ZNF335: variants seen among roughly 807,000 people sequenced by gnomAD.
ZNF335 encodes the protein NRC-interacting factor 1.
Under a neutral mutation model 145.6 loss-of-function variants are expected in ZNF335, and 84 were observed. The observed-to-expected ratio is 0.58, with a 90% CI of 0.48 to 0.69. The LOEUF (loss-of-function observed/expected upper bound fraction) is 0.69, where lower values mean the gene tolerates loss of function less well. Ranked by LOEUF, ZNF335 falls within the 30% of genes least tolerant of loss-of-function variation. The probability of loss-of-function intolerance (pLI) is 0.00; values close to 1 mark genes in which losing one functional copy is unlikely to be tolerated. For missense variants in ZNF335, 1,865 were observed against 1,809.7 expected (o/e 1.03, Z -0.55); for synonymous variants, 761 against 717.0 (o/e 1.06, Z -0.98).
chr20:45,949,811 A>T lies in ZNF335; in HGVS notation c.3658T>A (p.Ser1220Thr). ...AGCTAGTAGCTCACCTGGTTGTCGGAGGTCACCAGGTGCTGTACGGTCTGG... is the reference window on the plus strand; with the variant it reads ...AGCTAGTAGCTCACCTGGTTGTCGGTGGTCACCAGGTGCTGTACGGTCTGG... The part of the protein sequence containing the change: ...DGQTVQHLVT[S>T]DNQVQYIISQ... The change falls in exon 24 of 28, where the codon TCC becomes ACC. Residue 1220 changes from serine to threonine, a missense_variant. Coordinates refer to ENST00000322927, the MANE Select transcript of ZNF335 (RefSeq NM_022095.4). The T allele has an allele frequency of 6.2e-7, 1 of 1,614,006 alleles. No homozygotes were observed. The highest frequency in any genetic ancestry group is 1.1e-5 in the South Asian group (1 of 91,048).
At position 45,957,637 on chromosome 20, in the gene ZNF335, A is replaced by T; in HGVS notation, c.2391T>A (p.Asp797Glu). The part of the protein sequence containing the change: ...STAMATQTAL[D>E]LLLNMSAQRE... ...GCTGAGCACTCATGTTCAGCAGAAG[A>T]TCCAAGGCTGTCTGCGTGGCCATCG... Residue 797 changes from aspartate (D) to glutamate (E), a missense_variant, in exon 17 of 28, where the codon GAT (aspartate) becomes GAA (glutamate). Coordinates refer to ENST00000322927, the MANE Select transcript of ZNF335 (RefSeq NM_022095.4). 21 of 1,614,176 alleles carry T rather than the reference A, an allele frequency of 1.3e-5. No individual in the cohort carries two copies. Among genetic ancestry groups the T allele is most frequent in the Non-Finnish European group, 1.7e-5 (20 of 1,180,038 alleles).
At chr20:45,970,608 T>C (rs760306120) in intron 2 of ZNF335, among the ~76,000 whole-genome samples, 2 of 152,128 alleles carry the variant, frequency 1.3e-5, no homozygotes, top group Non-Finnish European at 2.9e-5. Flanking sequence ...GTTTACAAAA[T>C]GTTTGCAAGA....
chr20:45,964,068 C>A, intron 7 of ZNF335, 78 bp from the exon 8 acceptor site: 1 of 1,483,596 alleles, frequency 6.7e-7, no homozygotes, highest in Non-Finnish European at 8.9e-7. Context: ...AGAGGCCAGC[C>A]AAAATATCCT....
At position 45,965,072 on chromosome 20, in the gene ZNF335, A is replaced by T. The variant is rs62213351; in HGVS notation, c.1102+556T>A. On this transcript the variant is annotated intron_variant, in intron 7 of 27. Coordinates refer to ENST00000322927, the MANE Select transcript of ZNF335 (RefSeq NM_022095.4). ...ATAATAATAATAATAATAATAATAC[A>T]ACAACTCTCCAACCATAAACAGCTG... is the stretch of plus-strand genomic sequence containing the variant. 6.8e-3 allele frequency among the ~76,000 whole-genome samples: 917 copies of T among 135,674 alleles called. 4 individuals carry two copies. Among genetic ancestry groups the T allele is most frequent in the Non-Finnish European group, 0.011 (685 of 61,136 alleles). 89.0% of individuals were successfully genotyped at this position (135,674 alleles called of 152,430 possible). A position where few individuals can be genotyped will look rare whatever the true frequency, so the allele number is the denominator to read the frequency against.
intron 1 of ZNF335, chr20:45,971,664 G>A (rs2084071273): frequency 4.1e-6 from 4 of 985,484 alleles, no homozygotes; most frequent in Non-Finnish European, 3.6e-6. Context: ...GGCCCTTCCC[G>A]GGAGGGTGGT....
chr20:45,959,618 T>C (rs2145385858), intron 14 of ZNF335, among the ~76,000 whole-genome samples, 185 bp from the exon 15 acceptor site: 1 of 152,292 alleles, frequency 6.6e-6, no homozygotes, highest in South Asian at 2.1e-4. Context: ...AGGGCCGCCC[T>C]CTGCACTCAA....
intron 18 of ZNF335, 46 bp downstream of exon 18, chr20:45,953,643 A>G: frequency 4.4e-6 from 7 of 1,603,962 alleles, no homozygotes; most frequent in Non-Finnish European, 6.0e-6. Flanking sequence ...CCGACCGACC[A>G]CACCTACAAA....
chr20:45,952,403 G>C lies in ZNF335; in HGVS notation c.2933C>G (p.Ala978Gly), dbSNP rs1568807439. 1 of 1,588,748 alleles carries C rather than the reference G, an allele frequency of 6.3e-7. No homozygotes were observed. The highest frequency in any genetic ancestry group is 2.2e-5 in the East Asian group (1 of 44,534). ...PRDGPEPPSP[A>G]KTHCVGDSQS... ...GGAGTCCCCTACGCAGTGGGTCTTG[G>C]CTGGAGATGGGGGCTCAGGGCCGTC... The change falls in exon 20 of 28, where the codon GCC (alanine) becomes GGC (glycine). Residue 978 changes from alanine (A) to glycine (G), a missense_variant. By Grantham distance (60) the Ala-to-Gly change is moderately conservative. Coordinates refer to ENST00000322927, the MANE Select transcript of ZNF335 (RefSeq NM_022095.4).
chr20:45,960,939 C>A (rs1186494227), intron 10 of ZNF335, 57 bp from the exon 11 acceptor site: 1 of 1,606,710 alleles, frequency 6.2e-7, no homozygotes. Flanking sequence ...ACTCTAGACC[C>A]TCTCACACTG....
At chr20:45,956,461 C>T (rs1048994739) in intron 17 of ZNF335, among the ~76,000 whole-genome samples, 2 of 152,144 alleles carry the variant, frequency 1.3e-5, no homozygotes, top group Non-Finnish European at 2.9e-5. Context: ...CTCCTGACCT[C>T]AGGTGATCCA....
Position 45,949,049 on chromosome 20 carries a change from CTGGGCT to C in ZNF335, c.3927_3932del (p.Ala1310_Gln1311del), listed in dbSNP as rs779826696. 6.2e-7 allele frequency: 1 copy of C among 1,613,842 alleles called. No homozygotes were observed. ...CTGTCTCGTCTGTACCAAACAGGCC[CTGGGCT>C]TGGGCCATGGCAGCATCAGCCACTG... On this transcript the variant is annotated inframe_deletion, in exon 28 of 28. Coordinates refer to ENST00000322927, the MANE Select transcript of ZNF335 (RefSeq NM_022095.4).
In ZNF335 at chr20:45,953,796, GTCAGGAGGGCCTAGCTGGCTC is replaced by G; in HGVS notation, c.2574_2594del (p.Glu858_Pro864del). 6.2e-7 allele frequency: 1 copy of G among 1,614,130 alleles called. No individual in the cohort carries two copies. The highest frequency in any genetic ancestry group is 1.3e-5 in the African/African-American group (1 of 75,048). On this transcript the variant is annotated inframe_deletion, in exon 18 of 28. Transcript: ENST00000322927. ...CAGGTGCCAGGGTGATCTGCGGTAG[GTCAGGAGGGCCTAGCTGGCTC>G]TCGGCTGCTGCACCGCCCCCTGGCT...
In ZNF335 at chr20:45,971,425, G is replaced by A. The variant is rs768474463; in HGVS notation, c.-15C>T. 6.3e-7 allele frequency: 1 copy of A among 1,598,566 alleles called. No homozygotes were observed. Among genetic ancestry groups the A allele is most frequent in the South Asian group, 1.1e-5 (1 of 90,910 alleles). On this transcript the variant is annotated 5_prime_UTR_variant, in exon 2 of 28. Coordinates refer to ENST00000322927, the MANE Select transcript of ZNF335 (RefSeq NM_022095.4). ...TTCTCCTCCATCTGATCGGCGGGCT[G>A]CCTGACAGCGGGGCGTAGGGTCTGG...
In ZNF335 at chr20:45,952,346, C is replaced by T. The variant is rs748343875; in HGVS notation, c.2990G>A (p.Ser997Asn). The change falls in exon 20 of 28, where the codon AGC becomes AAC. Residue 997 changes from serine (S) to asparagine (N), a missense_variant. Transcript: ENST00000322927. ...GGGCACTGCCAGGCCCAGGGCTTTG[C>T]TGGTTGCAGGAGGTGAGGAGGCAGA... ...QSSASSPPAT[S>N]KALGLAVPPS... The T allele has an allele frequency of 1.9e-6, 3 of 1,612,764 alleles. No individual in the cohort carries two copies. In the South Asian group the frequency reaches 3.3e-5, roughly 18 times the overall value.
chr20:45,962,801 G>GTTTTTTTTTTTTTTT (rs1445107629), intron 9 of ZNF335, among the ~76,000 whole-genome samples: 1 of 93,554 alleles, frequency 1.1e-5, no homozygotes. Context: ...AAAAGGAACC[G>GTTTTTTTTTTTTTTT]TTTTTTTTTT....
chr20:45,958,446 T>C lies in ZNF335; in HGVS notation c.2254-518A>G, dbSNP rs189038260. On this transcript the variant is annotated intron_variant, in intron 15 of 27. Transcript: ENST00000322927. The stretch of plus-strand genomic sequence containing the variant: ...GGCCAAGAATCCCACTCCTAATACA[T>C]AGTAGGGTGAGGGCTTGAACCCATG... Among the ~76,000 whole-genome samples the C allele has an allele frequency of 2.6e-5, 4 of 152,240 alleles. No individual in the cohort carries two copies. The South Asian group carries it at 6.2e-4, about 24-fold the overall frequency.
intron 2 of ZNF335, chr20:45,969,952 G>A (rs1168939690): frequency 5.2e-6 from 2 of 387,994 alleles, no homozygotes; most frequent in Non-Finnish European, 9.3e-6. Context: ...CAGCCAGGGG[G>A]AGCTATTTTC....
chr20:45,959,331 C>G lies in ZNF335; in HGVS notation c.2123G>C (p.Trp708Ser). 6.3e-7 allele frequency: 1 copy of G among 1,585,920 alleles called. No individual in the cohort carries two copies. The highest frequency in any genetic ancestry group is 8.6e-7 in the Non-Finnish European group (1 of 1,163,688). ...GGGCTCCTCAGGGTGGCGCCTCCCC[C>G]ATTCCTCGAAGCTGCTTGCGTGTCG... ...RCRHASSFEEWGRRHPEEPPS... is the reference protein window; with the variant it reads ...RCRHASSFEESGRRHPEEPPS... Residue 708 changes from tryptophan to serine, a missense_variant, in exon 15 of 28, where the codon TGG (tryptophan) becomes TCG (serine). Transcript: ENST00000322927.
Position 45,950,385 on chromosome 20 carries a change from G to A in ZNF335, c.3333-12C>T, listed in dbSNP as rs1335760313. On this transcript the variant is annotated splice_polypyrimidine_tract_variant and intron_variant, in intron 21 of 27. Transcript: ENST00000322927. Reference sequence around the variant, plus strand: ...CGTTACGGTTGAAACTGAGGGGGATGAAAGGTGGCTCAGGTTAGCTCCACC... The same window carrying A: ...CGTTACGGTTGAAACTGAGGGGGATAAAAGGTGGCTCAGGTTAGCTCCACC... The A allele has an allele frequency of 6.2e-7, 1 of 1,606,334 alleles. No individual in the cohort carries two copies. The highest frequency in any genetic ancestry group is 8.5e-7 in the Non-Finnish European group (1 of 1,174,250).
Sources: gnomAD v4.1 joint callset for allele counts (sites outside exome capture counted in the v4.1 genomes callset) on GRCh38, gnomAD v4.1.1 for gene constraint, MANE v1.5 for transcripts, NCBI Gene and HGNC (gene_info 2026-07-23, HGNC 2026-07-21) for gene names.